DGKE: variants seen among roughly 807,000 people sequenced by gnomAD.
DGKE encodes the protein diacylglycerol kinase epsilon.
Under a neutral mutation model 70.0 loss-of-function variants are expected in DGKE, and 53 were observed. The observed-to-expected ratio is 0.76, with a 90% CI of 0.61 to 0.95. DGKE has a LOEUF of 0.95. DGKE is among the 40% of genes least tolerant of loss of function. DGKE has a pLI of 0.00. For missense variants in DGKE, 655 were observed against 706.9 expected, an observed-to-expected ratio of 0.93 and a Z score of 0.83; for synonymous variants, 291 against 257.0, an observed-to-expected ratio of 1.13 and a Z score of -1.27.
In DGKE at chr17:56,858,650, GA is replaced by G; in HGVS notation, c.1271del (p.Asn424IlefsTer6). ...GTTTAGTGCAAGAATGTAAAGATTT[GA>G]ATAAAAAAGTTGAGGTAAGCTATTA... The part of the protein sequence containing the change: ...DCLVQECKDL[N>X]KKVELELDGE... On this transcript the variant is annotated frameshift_variant, in exon 9 of 12. Coordinates refer to ENST00000284061, the MANE Select transcript of DGKE (RefSeq NM_003647.3). LOFTEE classifies it high-confidence loss of function. 4 of 1,602,936 alleles carry G rather than the reference GA, an allele frequency of 2.5e-6. No homozygotes were observed. The highest frequency in any genetic ancestry group is 3.4e-6 in the Non-Finnish European group (4 of 1,175,820).
intron 2 of DGKE, among the ~76,000 whole-genome samples, chr17:56,842,022 G>A (rs1164739719): frequency 6.6e-6 from 1 of 152,002 alleles, no homozygotes; most frequent in Non-Finnish European, 1.5e-5. Flanking sequence ...ATATTGACAT[G>A]ATGTAATAAT....
At chr17:56,853,155 T>C (rs997536829) in intron 7 of DGKE, among the ~76,000 whole-genome samples, 2 of 152,236 alleles carry the variant, frequency 1.3e-5, no homozygotes, top group African/African-American at 2.4e-5. Context: ...TTGGTTGTTA[T>C]TGAGTAACTT....
At position 56,848,793 on chromosome 17, in the gene DGKE, A is replaced by G; in HGVS notation, c.986A>G (p.Glu329Gly). Residue 329 changes from glutamate to glycine, a missense_variant, in exon 6 of 12, where the codon GAA (glutamate) becomes GGA (glycine). Transcript: ENST00000284061. The part of the protein sequence containing the change: ...TLGWGTGYAG[E>G]IPVAQVLRNV... Reference sequence around the variant, plus strand: ...GGTTGGGGTACAGGTTATGCTGGAGAAATTCCAGTTGCGCAGGTTTTGCGA... The same window carrying G: ...GGTTGGGGTACAGGTTATGCTGGAGGAATTCCAGTTGCGCAGGTTTTGCGA... The G allele has an allele frequency of 1.2e-6, 2 of 1,614,216 alleles. No homozygotes were observed. The highest frequency in any genetic ancestry group is 1.7e-6 in the Non-Finnish European group (2 of 1,180,034).
chr17:56,836,374 A>G (rs1598013540), intron 2 of DGKE: 3 of 152,350 alleles, frequency 2.0e-5, no homozygotes, highest in South Asian at 2.1e-4. Context: ...GTAACCATGC[A>G]TTTTTATTTG....
At chr17:56,835,347 T>A in intron 2 of DGKE, 88 bp downstream of exon 2, 1 of 1,333,430 alleles carries the variant, frequency 7.5e-7, no homozygotes, top group Non-Finnish European at 1.0e-6. Context: ...CTTTAATCTC[T>A]GCTGATGACC....
chr17:56,842,763 A>G (rs1907064011), intron 2 of DGKE, among the ~76,000 whole-genome samples: 2 of 152,316 alleles, frequency 1.3e-5, no homozygotes, highest in African/African-American at 2.4e-5. Context: ...TATTCATTTA[A>G]TTATAACCAT....
At chr17:56,858,539 A>T in intron 8 of DGKE, 55 bp from the exon 9 acceptor site, 1 of 1,428,486 alleles carries the variant, frequency 7.0e-7, no homozygotes, top group African/African-American at 1.4e-5. Context: ...ATTTTTTCTT[A>T]TTGTTTACAG....
intron 5 of DGKE, 40 bp downstream of exon 5, chr17:56,848,105 A>T (rs1555599211): frequency 7.9e-7 from 1 of 1,264,372 alleles, no homozygotes; most frequent in South Asian, 2.0e-5. Context: ...GACTTCTAAG[A>T]TAAATATACT....
intron 11 of DGKE, 61 bp downstream of exon 11, chr17:56,862,312 T>C (rs752751710): frequency 2.6e-5 from 38 of 1,447,320 alleles, no homozygotes; most frequent in South Asian, 1.3e-4. Context: ...GCTGTTGATA[T>C]GTAAAATATA....
Position 56,835,149 on chromosome 17 carries a change from G to C in DGKE, c.354G>C (p.Lys118Asn). 1 of 1,614,086 alleles carries C rather than the reference G, an allele frequency of 6.2e-7. No homozygotes were observed. The highest frequency in any genetic ancestry group is 1.1e-5 in the South Asian group (1 of 91,080). Residue 118 changes from lysine (K) to asparagine (N), a missense_variant, in exon 2 of 12, where the codon AAG becomes AAC. Physicochemically the swap from Lys to Asn is moderately conservative, Grantham distance 94. Coordinates refer to ENST00000284061, the MANE Select transcript of DGKE (RefSeq NM_003647.3). ...CKEIMLKNDTKVLDAMPHHWI... is the reference protein window; with the variant it reads ...CKEIMLKNDTNVLDAMPHHWI... ...AGATTATGCTCAAGAATGACACCAAGGTCCTGGACGCCATGCCCCACCACT... is the reference window on the plus strand; with the variant it reads ...AGATTATGCTCAAGAATGACACCAACGTCCTGGACGCCATGCCCCACCACT...
intron 9 of DGKE, among the ~76,000 whole-genome samples, chr17:56,859,426 C>CTT (rs756657239): frequency 6.8e-6 from 1 of 146,706 alleles, no homozygotes; most frequent in Non-Finnish European, 1.5e-5. Context: ...ATATGGCAGT[C>CTT]TTTTTTTTTT....
rs1391013602 is a variant in DGKE at position 56,868,254 on chromosome 17, C to T, written c.*5463C>T. The T allele has an allele frequency of 6.6e-6, 1 of 152,320 alleles. No homozygotes were observed. Among genetic ancestry groups the T allele is most frequent in the Non-Finnish European group, 1.5e-5 (1 of 68,116 alleles). 9.4% of individuals were successfully genotyped at this position (152,320 alleles called of 1,614,324 possible). On this transcript the variant is annotated 3_prime_UTR_variant, in exon 12 of 12. Transcript: ENST00000284061. Reference sequence around the variant, plus strand: ...TTTGTGGAGGTGGATGATGATGGCTCATAAAAACGTTTGTTCTCAGTCCAG... The same window carrying T: ...TTTGTGGAGGTGGATGATGATGGCTTATAAAAACGTTTGTTCTCAGTCCAG...
At position 56,848,764 on chromosome 17, in the gene DGKE, A is replaced by G; in HGVS notation, c.957A>G (p.Thr319=). 3 of 1,614,174 alleles carry G rather than the reference A, an allele frequency of 1.9e-6. No individual in the cohort carries two copies. The highest frequency in any genetic ancestry group is 2.2e-5 in the East Asian group (1 of 44,872). Residue 319 remains threonine, a synonymous_variant, in exon 6 of 12, where the codon ACA becomes ACG. Coordinates refer to ENST00000284061, the MANE Select transcript of DGKE (RefSeq NM_003647.3). ...PLGTGNDLSN[T]LGWGTGYAGE... ...GAACAGGCAACGATCTATCCAATAC[A>G]TTGGGTTGGGGTACAGGTTATGCTG...
chr17:56,861,910 T>G lies in DGKE; in HGVS notation c.1404T>G (p.Pro468=). ...LWEGMGDETY[P]LARHDDGLLE... ...AAGGGATGGGGGACGAGACTTACCC[T>G]CTAGCCAGGTATGTACATTTGTGGT... Residue 468 remains proline, a synonymous_variant, in exon 10 of 12, where the codon CCT becomes CCG. Coordinates refer to ENST00000284061, the MANE Select transcript of DGKE (RefSeq NM_003647.3). 1 of 1,607,840 alleles carries G rather than the reference T, an allele frequency of 6.2e-7. No homozygotes were observed. Among genetic ancestry groups the G allele is most frequent in the South Asian group, 1.1e-5 (1 of 90,180 alleles).
At chr17:56,834,437 C>G (rs1057334381) in intron 1 of DGKE, among the ~76,000 whole-genome samples, 177 bp downstream of exon 1, 2 of 152,244 alleles carry the variant, frequency 1.3e-5, no homozygotes, top group South Asian at 4.1e-4. Context: ...GCCTGAACGC[C>G]CGGCCTTTCG....
At chr17:56,844,244 TAGTTAAGACAGTATGTAAG>T in intron 3 of DGKE, 66 bp downstream of exon 3, 1 of 1,088,874 alleles carries the variant, frequency 9.2e-7, no homozygotes. Context: ...TTGTTTGAGA[TAGTTAAGACAGTATGTAAG>T]AAGAATTGGT....
chr17:56,847,145 A>C (rs1364497862), intron 4 of DGKE, among the ~76,000 whole-genome samples: 1 of 152,158 alleles, frequency 6.6e-6, no homozygotes, highest in Non-Finnish European at 1.5e-5. Flanking sequence ...ATTATGGATA[A>C]TCAAAGTTAC....
At position 56,863,593 on chromosome 17, in the gene DGKE, A is replaced by G. The variant is rs544993363; in HGVS notation, c.*802A>G. ...CTCTTTTTATTAAAAGACAGTGTCA[A>G]CACTTCAAAAAACGTGCTTAAAGGA... On this transcript the variant is annotated 3_prime_UTR_variant, in exon 12 of 12. Transcript: ENST00000284061. 3.3e-4 allele frequency: 51 copies of G among 152,350 alleles called. No individual in the cohort carries two copies. Among genetic ancestry groups the G allele is most frequent in the African/African-American group, 1.0e-3 (42 of 41,584 alleles). 9.4% of individuals were successfully genotyped at this position (152,350 alleles called of 1,614,324 possible). A position where few individuals can be genotyped will look rare whatever the true frequency, so the allele number is the denominator to read the frequency against.
intron 7 of DGKE, among the ~76,000 whole-genome samples, chr17:56,851,107 TAGA>T (rs1383779787): frequency 6.6e-6 from 1 of 152,106 alleles, no homozygotes; most frequent in East Asian, 1.9e-4. Flanking sequence ...GAAAATAGCT[TAGA>T]AGCCTGCACT....
Sources: gnomAD v4.1 joint callset for allele counts (sites outside exome capture counted in the v4.1 genomes callset) on GRCh38, gnomAD v4.1.1 for gene constraint, MANE v1.5 for transcripts, NCBI Gene and HGNC (gene_info 2026-07-23, HGNC 2026-07-21) for gene names.